SORCS2: variants seen among roughly 807,000 people sequenced by gnomAD.
SORCS2 encodes the protein sortilin related VPS10 domain containing receptor 2.
A neutral mutation model predicts 141.6 loss-of-function variants in SORCS2; 100 were observed. That is an observed-to-expected ratio of 0.71 (90% CI 0.60 to 0.83). SORCS2 has a LOEUF of 0.83. Among genes scored for constraint, SORCS2 ranks in the 40% least tolerant of loss-of-function variants. The probability of loss-of-function intolerance (pLI) is 0.00; values close to 1 mark genes in which losing one functional copy is unlikely to be tolerated. For missense variants in SORCS2, 1,646 were observed against 1,560.2 expected, an observed-to-expected ratio of 1.05 and a Z score of -0.93; for synonymous variants, 789 against 676.9, an observed-to-expected ratio of 1.17 and a Z score of -2.57.
chr4:7,461,672 G>C (rs887975122), intron 2 of SORCS2, among the ~76,000 whole-genome samples: 1 of 152,188 alleles, frequency 6.6e-6, no homozygotes, highest in South Asian at 2.1e-4. Flanking sequence ...CCAGCGAGGA[G>C]CTCTCTCCCC....
At chr4:7,733,270 GGCAGAGGA>G (rs1711851432) in intron 23 of SORCS2, 44 bp from the exon 24 acceptor site, 1 of 1,373,438 alleles carries the variant, frequency 7.3e-7, no homozygotes, top group Non-Finnish European at 9.7e-7. Context: ...CTTCCCTTTT[GGCAGAGGA>G]GCCTCCATGG....
intron 2 of SORCS2, among the ~76,000 whole-genome samples, chr4:7,509,466 C>T (rs920256692): frequency 4.6e-5 from 7 of 152,134 alleles, no homozygotes; most frequent in African/African-American, 1.2e-4. Flanking sequence ...AGGGGGATGA[C>T]GGCACAGCCA....
chr4:7,512,774 T>C (rs34714802), intron 2 of SORCS2, among the ~76,000 whole-genome samples: 9,194 of 151,870 alleles, frequency 0.061, 628 homozygotes, highest in African/African-American at 0.17. Flanking sequence ...CTCCCTCAGG[T>C]GTCACTGTCC....
intron 3 of SORCS2, among the ~76,000 whole-genome samples, chr4:7,569,958 C>A (rs1025930499): frequency 6.6e-6 from 1 of 152,160 alleles, no homozygotes; most frequent in African/African-American, 2.4e-5. Flanking sequence ...GCTCTGGTAG[C>A]GGCTGGATGA....
At chr4:7,588,827 C>CT (rs754402404) in intron 3 of SORCS2, among the ~76,000 whole-genome samples, 1 of 152,178 alleles carries the variant, frequency 6.6e-6, no homozygotes, top group Non-Finnish European at 1.5e-5. Context: ...ATGAGCAAGA[C>CT]TTTTTTTGGT....
intron 2 of SORCS2, among the ~76,000 whole-genome samples, chr4:7,469,355 A>G (rs1011691974): frequency 9.2e-5 from 14 of 152,186 alleles, no homozygotes; most frequent in Admixed American, 5.9e-4. Context: ...AGTGCTCACA[A>G]AAGTTCTTTC....
At chr4:7,272,993 A>T (rs563161112) in intron 1 of SORCS2, among the ~76,000 whole-genome samples, 1 of 152,340 alleles carries the variant, frequency 6.6e-6, no homozygotes, top group South Asian at 2.1e-4. Flanking sequence ...GATTTGCCAC[A>T]TGGAACAGAG....
intron 1 of SORCS2, among the ~76,000 whole-genome samples, chr4:7,338,173 A>T (rs55943321): frequency 6.9e-6 from 1 of 145,328 alleles, no homozygotes; most frequent in Non-Finnish European, 1.5e-5. Context: ...GGATGGATGG[A>T]TGGATGGATG....
intron 3 of SORCS2, among the ~76,000 whole-genome samples, chr4:7,605,653 C>A (rs1373055019): frequency 6.6e-6 from 1 of 152,162 alleles, no homozygotes; most frequent in Non-Finnish European, 1.5e-5. Context: ...ATTTAGGCTG[C>A]CATATTGCCA....
At chr4:7,575,522 T>A (rs1458268434) in intron 3 of SORCS2, among the ~76,000 whole-genome samples, 1 of 152,224 alleles carries the variant, frequency 6.6e-6, no homozygotes, top group Non-Finnish European at 1.5e-5. Flanking sequence ...TTCATAACAT[T>A]GACAGTTGTA....
At chr4:7,223,724 G>A (rs1728844128) in intron 1 of SORCS2, among the ~76,000 whole-genome samples, 1 of 152,118 alleles carries the variant, frequency 6.6e-6, no homozygotes, top group Admixed American at 6.5e-5. Context: ...GGGGCCTCCT[G>A]GTGCCTTCCT....
chr4:7,600,796 T>C (rs1446678921), intron 3 of SORCS2, among the ~76,000 whole-genome samples: 1 of 152,208 alleles, frequency 6.6e-6, no homozygotes, highest in African/African-American at 2.4e-5. Context: ...TGTCTTCAAA[T>C]CTCTTTCGTA....
chr4:7,437,616 G>A (rs1424220191), intron 2 of SORCS2, among the ~76,000 whole-genome samples: 1 of 152,206 alleles, frequency 6.6e-6, no homozygotes, highest in African/African-American at 2.4e-5. Context: ...CTCAGGTGTG[G>A]TCAGAGGGGG....
rs115115782 is a variant in SORCS2, at chr4:7,619,306, C to T, written c.649-19022C>T. 9.8e-3 allele frequency among the ~76,000 whole-genome samples: 1,499 copies of T among 152,308 alleles called. 32 individuals carry two copies. Among genetic ancestry groups the T allele is most frequent in the African/African-American group, 0.034 (1,409 of 41,546 alleles). On this transcript the variant is annotated intron_variant, in intron 3 of 26. Transcript: ENST00000507866. ...GGGAAGATCCAACATTGTTTCCCTC[C>T]ATTAGGGCAAGGCATCTTGGAGCAT...
At chr4:7,612,805 A>T (rs16840660) in intron 3 of SORCS2, among the ~76,000 whole-genome samples, 2,548 of 151,184 alleles carry the variant, frequency 0.017, 69 homozygotes, top group African/African-American at 0.056. Flanking sequence ...GGAGAGAATG[A>T]ACGTTAGGCC....
intron 2 of SORCS2, among the ~76,000 whole-genome samples, chr4:7,443,494 C>T (rs1007777788): frequency 2.0e-5 from 3 of 152,192 alleles, no homozygotes; most frequent in Admixed American, 2.0e-4. Flanking sequence ...GAGCCAGAAC[C>T]CTGGTTCCTT....
chr4:7,409,486 G>A (rs1405905756), intron 2 of SORCS2, among the ~76,000 whole-genome samples: 1 of 152,200 alleles, frequency 6.6e-6, no homozygotes, highest in Non-Finnish European at 1.5e-5. Context: ...GCTGGGCTTG[G>A]TAGTCCTTCC....
At chr4:7,400,833 G>C (rs932486435) in intron 2 of SORCS2, among the ~76,000 whole-genome samples, 1 of 152,010 alleles carries the variant, frequency 6.6e-6, no homozygotes, top group Non-Finnish European at 1.5e-5. Context: ...ATGGATGGAT[G>C]GGTGGATGGG....
intron 1 of SORCS2, among the ~76,000 whole-genome samples, chr4:7,382,750 G>A (rs937110524): frequency 7.2e-5 from 11 of 152,036 alleles, no homozygotes; most frequent in East Asian, 5.8e-4. Flanking sequence ...GGTCTGGGGG[G>A]CAGGGCTGGG....
Sources: allele counts gnomAD v4.1 joint callset (sites outside exome capture counted in the v4.1 genomes callset), GRCh38; gene constraint gnomAD v4.1.1; transcripts MANE v1.5; gene names NCBI Gene and HGNC (gene_info 2026-07-23, HGNC 2026-07-21).